Variants in TCTN1 observed in about 807,000 individuals in gnomAD.
TCTN1 encodes tectonic family member 1.
Under a neutral mutation model 65.8 loss-of-function variants are expected in TCTN1, and 58 were observed. The observed-to-expected ratio is 0.88, with a 90% CI of 0.71 to 1.10. The LOEUF is 1.10. Ranked by LOEUF, TCTN1 falls within the 50% of genes least tolerant of loss-of-function variation. TCTN1 has a pLI of 0.00. For missense variants in TCTN1, 645 were observed against 719.4 expected (o/e 0.90, Z 1.18); for synonymous variants, 273 against 289.1 (o/e 0.94, Z 0.57).
At chr12:110,637,847 G>A (rs1423091773) in intron 7 of TCTN1, among the ~76,000 whole-genome samples, 1 of 152,114 alleles carries the variant, frequency 6.6e-6, no homozygotes, top group African/African-American at 2.4e-5. Context: ...TATTTCTAAC[G>A]CAGCGTCCAG....
chr12:110,629,343 T>G (rs1284483059), intron 4 of TCTN1: 1 of 187,974 alleles, frequency 5.3e-6, no homozygotes, highest in East Asian at 1.3e-4. Flanking sequence ...TTGCAATCTA[T>G]CCATATGACA....
At position 110,647,683 on chromosome 12, in the gene TCTN1, T is replaced by G. The variant is rs770861856; in HGVS notation, c.1636-66T>G. The G allele has an allele frequency of 3.1e-6, 5 of 1,602,986 alleles. No individual in the cohort carries two copies. In the South Asian group the frequency reaches 5.5e-5, roughly 18 times the overall value. ...GTTGGGTGAGGAAGAGAATGAAAAG[T>G]GTCTCATTGTTGTCATTCTGGGAGC... On this transcript the variant is annotated intron_variant, in intron 13 of 14. Transcript: ENST00000397659.
intron 12 of TCTN1, chr12:110,645,963 T>C (rs781752166): frequency 1.3e-5 from 2 of 152,038 alleles, no homozygotes; most frequent in Non-Finnish European, 2.9e-5. Flanking sequence ...GCCGTTCCAC[T>C]GCGAAGTCTT....
At chr12:110,626,109 G>C (rs1456919049) in intron 2 of TCTN1, among the ~76,000 whole-genome samples, 1 of 144,416 alleles carries the variant, frequency 6.9e-6, no homozygotes. Context: ...TTTTTTGTGA[G>C]ACAGAGTCTT....
intron 3 of TCTN1, chr12:110,627,884 A>G: frequency 1.6e-6 from 1 of 637,974 alleles, no homozygotes; most frequent in Non-Finnish European, 2.7e-6. Flanking sequence ...ATATTTTCAG[A>G]ATATCTTTAT....
At chr12:110,617,780 A>AC (rs1003732995) in intron 1 of TCTN1, among the ~76,000 whole-genome samples, 3 of 149,624 alleles carry the variant, frequency 2.0e-5, no homozygotes, top group African/African-American at 4.9e-5. Flanking sequence ...AGCTGGGACT[A>AC]CGGGTGTGTG....
intron 1 of TCTN1, chr12:110,616,175 T>C (rs550993025): frequency 3.0e-6 from 1 of 334,800 alleles, no homozygotes; most frequent in South Asian, 2.3e-5. Context: ...AAGCTATGCT[T>C]GAAACATCAT....
intron 3 of TCTN1, 94 bp downstream of exon 3, chr12:110,626,586 T>C: frequency 7.3e-7 from 1 of 1,360,692 alleles, no homozygotes. Context: ...TAATTATGAT[T>C]ATGGTTTTTT....
chr12:110,614,484 G>A (rs1260478468), intron 1 of TCTN1, 82 bp downstream of exon 1: 1 of 1,546,450 alleles, frequency 6.5e-7, no homozygotes, highest in South Asian at 1.2e-5. Context: ...AATAATGATA[G>A]CTAACTCTTA....
In TCTN1 at chr12:110,649,220, G is replaced by C; in HGVS notation, c.*179G>C. 1.5e-6 allele frequency: 1 copy of C among 673,726 alleles called. No homozygotes were observed. Among genetic ancestry groups the C allele is most frequent in the East Asian group, 2.7e-5 (1 of 36,994 alleles). 41.7% of individuals were successfully genotyped at this position (673,726 alleles called of 1,614,324 possible). ...ATTTGATACAGTGTGGGGTGGGAGT[G>C]GATGGGCAGCTCTTGGTGGTACTGG... On this transcript the variant is annotated 3_prime_UTR_variant, in exon 15 of 15. Coordinates refer to ENST00000397659, the MANE Select transcript of TCTN1 (RefSeq NM_001082538.3).
chr12:110,628,680 A>G (rs1356509315), intron 3 of TCTN1, 87 bp from the exon 4 acceptor site: 1 of 1,221,888 alleles, frequency 8.2e-7, no homozygotes, highest in Non-Finnish European at 1.1e-6. Context: ...TGATGCTATT[A>G]AAAACTTTCC....
intron 3 of TCTN1, among the ~76,000 whole-genome samples, chr12:110,627,186 C>A (rs1404971313): frequency 6.6e-6 from 1 of 150,972 alleles, no homozygotes; most frequent in East Asian, 1.9e-4. Context: ...CAACCTCTGC[C>A]TCCCGGGTTC....
At chr12:110,638,694 G>C (rs1053997025) in intron 7 of TCTN1, among the ~76,000 whole-genome samples, 5 of 152,232 alleles carry the variant, frequency 3.3e-5, no homozygotes, top group African/African-American at 1.2e-4. Context: ...AAAGCTCATT[G>C]ACACTGAATC....
In TCTN1 at chr12:110,619,823, C is replaced by G; in HGVS notation, c.221-13C>G. ...TGGTGATGTTCTGGATCCTACCCCTCTTTTTTCTGCAGTTGCTGTTCTCTG... is the reference window on the plus strand; with the variant it reads ...TGGTGATGTTCTGGATCCTACCCCTGTTTTTTCTGCAGTTGCTGTTCTCTG... On this transcript the variant is annotated splice_polypyrimidine_tract_variant and intron_variant, in intron 1 of 14. Coordinates refer to ENST00000397659, the MANE Select transcript of TCTN1 (RefSeq NM_001082538.3). 1.9e-6 allele frequency: 3 copies of G among 1,614,056 alleles called. No homozygotes were observed. The highest frequency in any genetic ancestry group is 2.5e-6 in the Non-Finnish European group (3 of 1,180,002).
At chr12:110,630,679 AT>A (rs2066174099) in intron 4 of TCTN1, among the ~76,000 whole-genome samples, 1 of 152,188 alleles carries the variant, frequency 6.6e-6, no homozygotes, top group Non-Finnish European at 1.5e-5. Context: ...ATTTTTAAAT[AT>A]GTCTATTATA....
intron 14 of TCTN1, chr12:110,648,837 G>A (rs2067614544): frequency 5.5e-6 from 2 of 364,062 alleles, no homozygotes; most frequent in African/African-American, 2.2e-5. Flanking sequence ...TACAGTAGTT[G>A]TACAGTAATT....
intron 1 of TCTN1, among the ~76,000 whole-genome samples, chr12:110,615,007 GT>G (rs1479050956): frequency 6.6e-6 from 1 of 152,144 alleles, no homozygotes; most frequent in Non-Finnish European, 1.5e-5. Context: ...CTAATTTGAC[GT>G]TTGGCTGGCG....
intron 12 of TCTN1, chr12:110,646,724 G>C: frequency 4.6e-6 from 1 of 217,724 alleles, no homozygotes; most frequent in East Asian, 1.3e-4. Context: ...ATTGCCAATT[G>C]ATGAAATTAG....
chr12:110,648,842 G>GTAAT (rs2067615502), intron 14 of TCTN1: 1 of 367,890 alleles, frequency 2.7e-6, no homozygotes, highest in African/African-American at 2.1e-5. Flanking sequence ...TAGTTGTACA[G>GTAAT]TAATTGAGGA....
Sources: allele counts gnomAD v4.1 joint callset (sites outside exome capture counted in the v4.1 genomes callset), GRCh38; gene constraint gnomAD v4.1.1; transcripts MANE v1.5; gene names NCBI Gene and HGNC (gene_info 2026-07-23, HGNC 2026-07-21).